The following KCNAB1 variants were observed in gnomAD, a reference collection of about 807,000 sequenced individuals.
KCNAB1 encodes the protein potassium voltage-gated channel subfamily A regulatory beta subunit 1.
In KCNAB1, 35 loss-of-function variants were observed where a neutral mutation model predicts 64.6. The ratio of observed to expected loss-of-function variants is 0.54; its 90% CI spans 0.41 to 0.72. The LOEUF is 0.72. KCNAB1 is among the 30% of genes least tolerant of loss of function. The pLI is 0.00. For missense variants in KCNAB1, 401 were observed against 512.9 expected (o/e 0.78, Z 2.11); for synonymous variants, 177 against 183.8 (o/e 0.96, Z 0.30).
At chr3:156,242,902 T>TTTTTA (rs1223697285) in intron 1 of KCNAB1, among the ~76,000 whole-genome samples, 7 of 151,720 alleles carry the variant, frequency 4.6e-5, no homozygotes, top group East Asian at 1.9e-4. Flanking sequence ...TATTATTTAT[T>TTTTTA]TTTTATTTTA....
chr3:156,339,518 A>G (rs1022592764), intron 1 of KCNAB1, among the ~76,000 whole-genome samples: 7 of 152,216 alleles, frequency 4.6e-5, no homozygotes, highest in South Asian at 2.1e-4. Context: ...TTGCAGAACC[A>G]TGGTTCAAAC....
intron 1 of KCNAB1, among the ~76,000 whole-genome samples, chr3:156,332,782 T>C (rs535588215): frequency 6.6e-6 from 1 of 152,322 alleles, no homozygotes; most frequent in South Asian, 2.1e-4. Flanking sequence ...TGGTTGATTG[T>C]TGTGAAAACT....
At chr3:156,352,854 C>T (rs965459833) in intron 1 of KCNAB1, among the ~76,000 whole-genome samples, 1 of 152,226 alleles carries the variant, frequency 6.6e-6, no homozygotes, top group Non-Finnish European at 1.5e-5. Flanking sequence ...TCCTGGCAGA[C>T]CTCTGCCTCA....
At chr3:156,306,376 A>G (rs1045762194) in intron 1 of KCNAB1, among the ~76,000 whole-genome samples, 1 of 152,120 alleles carries the variant, frequency 6.6e-6, no homozygotes, top group Non-Finnish European at 1.5e-5. Context: ...AAGAGCTACA[A>G]CCTTTTCTTC....
chr3:156,522,084 T>C lies in KCNAB1; in HGVS notation c.961-1743T>C, dbSNP rs181060302. Among the ~76,000 whole-genome samples, 339 of 40,504 alleles carry C rather than the reference T, an allele frequency of 8.4e-3. 47 individuals are homozygous for C. The highest frequency in any genetic ancestry group is 0.062 in the Middle Eastern group (6 of 96). The allele number at this position is 40,504 out of a possible 152,430, so 26.6% of individuals were successfully genotyped here. On this transcript the variant is annotated intron_variant, in intron 11 of 13. Transcript: ENST00000490337. Reference sequence around the variant, plus strand: ...ATCCTAAGAAAGAGAATGCACTGCATACAAGATTTCAAAAACGGAAAAGTT... The same window carrying C: ...ATCCTAAGAAAGAGAATGCACTGCACACAAGATTTCAAAAACGGAAAAGTT...
chr3:156,291,081 A>C (rs1403893894), intron 1 of KCNAB1: 1 of 985,422 alleles, frequency 1.0e-6, no homozygotes, highest in Admixed American at 6.1e-5. Context: ...GAGTCTGGGC[A>C]GAGCCCCTTT....
At chr3:156,411,575 A>G (rs1714668473) in intron 1 of KCNAB1, among the ~76,000 whole-genome samples, 1 of 152,186 alleles carries the variant, frequency 6.6e-6, no homozygotes, top group Non-Finnish European at 1.5e-5. Flanking sequence ...TTACAAATGA[A>G]CAATTATTTC....
Position 156,168,229 on chromosome 3 carries a change from A to C in KCNAB1, c.275+47343A>C, listed in dbSNP as rs149030754. On this transcript the variant is annotated intron_variant, in intron 1 of 13. Coordinates refer to ENST00000490337, the MANE Select transcript of KCNAB1 (RefSeq NM_172160.3). ...CCCCCAACCGCCCCCCAAAAAAGTAAGTCCTGAATGTGTAAAAACCATGTT... is the reference window on the plus strand; with the variant it reads ...CCCCCAACCGCCCCCCAAAAAAGTACGTCCTGAATGTGTAAAAACCATGTT... 6.6e-3 allele frequency among the ~76,000 whole-genome samples: 1,004 copies of C among 152,002 alleles called. 17 individuals carry two copies. The highest frequency in any genetic ancestry group is 0.023 in the African/African-American group (954 of 41,422).
intron 2 of KCNAB1, among the ~76,000 whole-genome samples, chr3:156,435,788 G>C (rs1484927782): frequency 6.6e-6 from 1 of 152,104 alleles, no homozygotes; most frequent in East Asian, 1.9e-4. Flanking sequence ...AATTAAATAA[G>C]GCATACCTTC....
chr3:156,347,059 GA>G (rs997498934), intron 1 of KCNAB1, among the ~76,000 whole-genome samples: 4 of 151,786 alleles, frequency 2.6e-5, no homozygotes, highest in Non-Finnish European at 4.4e-5. Flanking sequence ...AATATGTGAA[GA>G]AAAAAACCCT....
chr3:156,232,643 A>G (rs1261392888), intron 1 of KCNAB1, among the ~76,000 whole-genome samples: 2 of 152,274 alleles, frequency 1.3e-5, no homozygotes, highest in Non-Finnish European at 2.9e-5. Flanking sequence ...TCCACAAGGC[A>G]GAAATGCAAA....
chr3:156,232,450 T>C (rs1028168761), intron 1 of KCNAB1, among the ~76,000 whole-genome samples: 12 of 152,278 alleles, frequency 7.9e-5, no homozygotes, highest in Admixed American at 2.0e-4. Flanking sequence ...GTCCTGATGC[T>C]TTCGCACAGG....
chr3:156,477,574 C>G (rs1310782134), intron 8 of KCNAB1, among the ~76,000 whole-genome samples: 1 of 152,108 alleles, frequency 6.6e-6, no homozygotes, highest in Non-Finnish European at 1.5e-5. Flanking sequence ...GCTCCTCATG[C>G]AGGACTTGTT....
chr3:156,140,511 A>G (rs534503435), intron 1 of KCNAB1, among the ~76,000 whole-genome samples: 2 of 152,172 alleles, frequency 1.3e-5, no homozygotes, highest in South Asian at 2.1e-4. Flanking sequence ...CTCTTCTTAT[A>G]AGGGCATTAA....
At chr3:156,524,746 C>CAAAA (rs10553136) in intron 12 of KCNAB1, among the ~76,000 whole-genome samples, 5 of 74,456 alleles carry the variant, frequency 6.7e-5, no homozygotes, top group East Asian at 1.2e-3. Context: ...GACTCCATCT[C>CAAAA]AAAAAAAAAA....
chr3:156,374,286 C>G (rs1711516826), intron 1 of KCNAB1, among the ~76,000 whole-genome samples: 1 of 152,110 alleles, frequency 6.6e-6, no homozygotes, highest in Admixed American at 6.5e-5. Flanking sequence ...TTCTTAGACT[C>G]TTTGATCCTG....
rs151164364 is a variant in KCNAB1 at position 156,373,990 on chromosome 3, G to A, written c.276-47626G>A. On this transcript the variant is annotated intron_variant, in intron 1 of 13. Coordinates refer to ENST00000490337, the MANE Select transcript of KCNAB1 (RefSeq NM_172160.3). ...GGAAGCAGGTTAAGAGGAGCCAAAT[G>A]GCCAGGGTTAGATTCTTAGCTCTGT... Among the ~76,000 whole-genome samples the A allele has an allele frequency of 7.9e-5, 12 of 152,338 alleles. No individual in the cohort carries two copies. The East Asian group carries it at 2.3e-3, about 29-fold the overall frequency.
chr3:156,354,263 A>G (rs770708479), intron 1 of KCNAB1, among the ~76,000 whole-genome samples: 1 of 151,016 alleles, frequency 6.6e-6, no homozygotes, highest in African/African-American at 2.4e-5. Flanking sequence ...CCTGGGTTCA[A>G]GCGATTCTCC....
intron 1 of KCNAB1, among the ~76,000 whole-genome samples, chr3:156,121,517 A>G (rs978503206): frequency 6.6e-6 from 1 of 152,222 alleles, no homozygotes; most frequent in African/African-American, 2.4e-5. Context: ...AGCTTCAAAT[A>G]AAGCAGAGGA....
Sources: gnomAD v4.1 joint callset for allele counts (sites outside exome capture counted in the v4.1 genomes callset) on GRCh38, gnomAD v4.1.1 for gene constraint, MANE v1.5 for transcripts, NCBI Gene and HGNC (gene_info 2026-07-23, HGNC 2026-07-21) for gene names.